Variants in EPC1 observed in about 807,000 individuals in gnomAD.
EPC1 encodes the protein enhancer of polycomb 1.
Under a neutral mutation model 98.4 loss-of-function variants are expected in EPC1, and 12 were observed. The ratio of observed to expected loss-of-function variants is 0.12; its 90% CI spans 0.08 to 0.20. The LOEUF (loss-of-function observed/expected upper bound fraction) is 0.20, where lower values mean the gene tolerates loss of function less well. EPC1 is among the 10% of genes least tolerant of loss of function. The probability of loss-of-function intolerance (pLI) is 1.00; values close to 1 mark genes in which losing one functional copy is unlikely to be tolerated. For missense variants in EPC1, 729 were observed against 990.5 expected (o/e 0.74, Z 3.54); for synonymous variants, 357 against 363.9 (o/e 0.98, Z 0.21).
chr10:32,286,241 CA>C (rs1485716404), intron 9 of EPC1: 1 of 155,906 alleles, frequency 6.4e-6, no homozygotes, highest in Non-Finnish European at 1.4e-5. Flanking sequence ...AAGGTTTAAA[CA>C]AAGGAAGAAC....
rs190559984 is a variant in EPC1, at chr10:32,365,710, T to C, written c.3+12781A>G. ...GTGGTGCACCTGTAATCTCTGCTAT[T>C]TGGGGGGCCGAGGCAGGAGAATCGC... On this transcript the variant is annotated intron_variant, in intron 1 of 13. Transcript: ENST00000375110. 3.1e-3 allele frequency among the ~76,000 whole-genome samples: 457 copies of C among 147,994 alleles called. 4 individuals carry two copies. The highest frequency in any genetic ancestry group is 0.015 in the Admixed American group (219 of 14,608).
intron 1 of EPC1, among the ~76,000 whole-genome samples, chr10:32,319,153 A>G (rs1388296663): frequency 6.6e-6 from 1 of 152,204 alleles, no homozygotes; most frequent in African/African-American, 2.4e-5. Flanking sequence ...AGTCTTCCAC[A>G]ATGATTATGT....
intron 1 of EPC1, among the ~76,000 whole-genome samples, chr10:32,308,020 G>A (rs1302087895): frequency 1.3e-5 from 2 of 152,138 alleles, no homozygotes; most frequent in Admixed American, 6.6e-5. Flanking sequence ...TCAAGCATTC[G>A]TTTATTTTGT....
At chr10:32,366,353 T>C (rs1839604518) in intron 1 of EPC1, among the ~76,000 whole-genome samples, 1 of 152,178 alleles carries the variant, frequency 6.6e-6, no homozygotes, top group African/African-American at 2.4e-5. Context: ...AGGCACACCC[T>C]GCTTGTAAAC....
intron 1 of EPC1, among the ~76,000 whole-genome samples, chr10:32,316,545 T>C (rs904391511): frequency 2.6e-5 from 4 of 152,052 alleles, no homozygotes; most frequent in East Asian, 1.9e-4. Context: ...AAAAACACCA[T>C]AGGGAGTAAA....
intron 10 of EPC1, chr10:32,282,255 G>A (rs1836448625): frequency 6.6e-6 from 1 of 152,204 alleles, no homozygotes; most frequent in Non-Finnish European, 1.5e-5. Flanking sequence ...TTGAGGCTGG[G>A]TGCAGTGGCT....
intron 1 of EPC1, among the ~76,000 whole-genome samples, chr10:32,366,475 C>G (rs141565175): frequency 2.6e-5 from 4 of 152,244 alleles, no homozygotes; most frequent in Non-Finnish European, 5.9e-5. Flanking sequence ...TTACAGAGTA[C>G]TTTATTTTCA....
chr10:32,364,000 G>GC (rs1176596703), intron 1 of EPC1, among the ~76,000 whole-genome samples: 11,249 of 73,972 alleles, frequency 0.15, 4,784 homozygotes, highest in Middle Eastern at 0.24. Context: ...CATCATGTTG[G>GC]CATTTTTTTT....
At chr10:32,305,089 T>C (rs1305722264) in intron 2 of EPC1, among the ~76,000 whole-genome samples, 5 of 152,216 alleles carry the variant, frequency 3.3e-5, no homozygotes. Context: ...CATCACCAAA[T>C]GTCACACAGT....
At chr10:32,327,846 G>C (rs868702975) in intron 1 of EPC1, among the ~76,000 whole-genome samples, 32 of 152,206 alleles carry the variant, frequency 2.1e-4, no homozygotes, top group African/African-American at 7.5e-4. Context: ...GGGGACACCA[G>C]AGTCATGTCT....
chr10:32,365,101 C>T (rs1839561644), intron 1 of EPC1, among the ~76,000 whole-genome samples: 1 of 152,124 alleles, frequency 6.6e-6, no homozygotes, highest in Non-Finnish European at 1.5e-5. Flanking sequence ...TAACTTCAAT[C>T]CCTGAGTCAG....
chr10:32,371,765 G>T (rs902025217), intron 1 of EPC1, among the ~76,000 whole-genome samples: 1 of 151,978 alleles, frequency 6.6e-6, no homozygotes, highest in African/African-American at 2.4e-5. Context: ...AAATTAGCTG[G>T]GTGGGGTGGT....
chr10:32,273,346 A>G (rs1835929706), intron 10 of EPC1, 65 bp from the exon 11 acceptor site: 19 of 1,546,486 alleles, frequency 1.2e-5, no homozygotes, highest in Non-Finnish European at 1.7e-5. Flanking sequence ...TTACAGTACT[A>G]AAACAAAAAT....
In EPC1 at chr10:32,293,198, A is replaced by G; in HGVS notation, c.460-4T>C. The G allele has an allele frequency of 6.2e-7, 1 of 1,603,806 alleles. No homozygotes were observed. Among genetic ancestry groups the G allele is most frequent in the Non-Finnish European group, 8.5e-7 (1 of 1,172,832 alleles). On this transcript the variant is annotated splice_polypyrimidine_tract_variant and splice_region_variant and intron_variant, in intron 3 of 13. Coordinates refer to ENST00000319778, the MANE Select transcript of EPC1 (RefSeq NM_001272004.3). ...TGGCTTCCTGCAGACTGACTGGCTA[A>G]ATGTAAAACCATTATGTCATTTTCA...
At chr10:32,277,629 G>C (rs1836169663) in intron 10 of EPC1, among the ~76,000 whole-genome samples, 1 of 151,934 alleles carries the variant, frequency 6.6e-6, no homozygotes. Context: ...GTGTGATCTG[G>C]GCTCACTGCA....
chr10:32,282,533 A>G (rs1836464357), intron 10 of EPC1: 1 of 152,166 alleles, frequency 6.6e-6, no homozygotes. Flanking sequence ...AAATAAATAA[A>G]TAGTTGTATC....
In EPC1 at chr10:32,285,329, A is replaced by G. The variant is rs533543154; in HGVS notation, c.1392-279T>C. The stretch of plus-strand genomic sequence containing the variant: ...AAAATGTTGCGAACACATTTATTCT[A>G]TATTTAAGCAAAAACTTCATTCCTT... On this transcript the variant is annotated intron_variant, in intron 9 of 13. Coordinates refer to ENST00000319778, the MANE Select transcript of EPC1 (RefSeq NM_001272004.3). 3.8e-5 allele frequency: 12 copies of G among 313,726 alleles called. No individual in the cohort carries two copies. In the East Asian group the frequency reaches 6.1e-4, roughly 16 times the overall value. 19.4% of individuals were successfully genotyped at this position (313,726 alleles called of 1,614,324 possible). A position where few individuals can be genotyped will look rare whatever the true frequency, so the allele number is the denominator to read the frequency against.
intron 1 of EPC1, among the ~76,000 whole-genome samples, chr10:32,373,768 C>T (rs112967658): frequency 4.5e-4 from 68 of 152,304 alleles, no homozygotes; most frequent in African/African-American, 1.2e-3. Context: ...GTTATGGCAA[C>T]GTAAAAGGTT....
intron 9 of EPC1, 59 bp from the exon 10 acceptor site, chr10:32,285,109 T>C: frequency 7.2e-7 from 1 of 1,380,424 alleles, no homozygotes; most frequent in Non-Finnish European, 9.9e-7. Flanking sequence ...GATTATATAT[T>C]AAAGCTTTTT....
Sources: gnomAD v4.1 joint callset for allele counts (sites outside exome capture counted in the v4.1 genomes callset) on GRCh38, gnomAD v4.1.1 for gene constraint, MANE v1.5 for transcripts, NCBI Gene and HGNC (gene_info 2026-07-23, HGNC 2026-07-21) for gene names.